The following HECTD4 variants were observed in gnomAD, a reference collection of about 807,000 sequenced individuals.
HECTD4 encodes the protein probable E3 ubiquitin-protein ligase HECTD4.
HECTD4 carries 114 observed loss-of-function variants against 471.5 expected under a neutral mutation model. The ratio of observed to expected loss-of-function variants is 0.24; its 90% CI spans 0.21 to 0.28. The LOEUF is 0.28. Ranked by LOEUF, HECTD4 falls within the 10% of genes least tolerant of loss-of-function variation. The probability of loss-of-function intolerance (pLI) is 1.00; values close to 1 mark genes in which losing one functional copy is unlikely to be tolerated. For missense variants in HECTD4, 3,866 were observed against 5,651.5 expected (o/e 0.68, Z 10.13); for synonymous variants, 2,012 against 2,256.0 (o/e 0.89, Z 3.07).
intron 7 of HECTD4, among the ~76,000 whole-genome samples, chr12:112,303,337 T>G (rs143868624): frequency 2.0e-5 from 3 of 152,168 alleles, no homozygotes; most frequent in South Asian, 2.1e-4. Context: ...GTGAGTCATC[T>G]CTCTTCCTCT....
chr12:112,210,387 G>C (rs915674878), intron 49 of HECTD4, 135 bp from the exon 50 acceptor site: 2 of 850,754 alleles, frequency 2.4e-6, no homozygotes, highest in Non-Finnish European at 3.7e-6. Context: ...GAAACCAGGT[G>C]GGGGCTGGAG....
chr12:112,372,104 CTT>C (rs538069859), intron 1 of HECTD4, among the ~76,000 whole-genome samples: 12 of 135,816 alleles, frequency 8.8e-5, no homozygotes, highest in Non-Finnish European at 8.0e-5. Flanking sequence ...ATAATCACAT[CTT>C]TTTTTTTTTT....
At chr12:112,369,656 C>T (rs2036631782) in intron 1 of HECTD4, among the ~76,000 whole-genome samples, 1 of 152,016 alleles carries the variant, frequency 6.6e-6, no homozygotes, top group South Asian at 2.1e-4. Context: ...ATTAAGCAAA[C>T]CTATGAGTTC....
In HECTD4 at chr12:112,185,245, C is replaced by T. The variant is rs926970678; in HGVS notation, c.9721G>A (p.Gly3241Arg). The change falls in exon 61 of 76, where the codon GGG becomes AGG. Residue 3241 changes from glycine to arginine, a missense_variant. Coordinates refer to ENST00000682272, the MANE Select transcript of HECTD4 (RefSeq NM_001388303.1). ...CTGCCCTGGTCACCGGCCGCCGCCC[C>T]CCCGGAGCCCCCGCAGGCGCCGCCT... The part of the protein sequence containing the change: ...VSGGACGGSG[G>R]AAAGDQGRFS... 2.1e-5 allele frequency: 33 copies of T among 1,550,074 alleles called. No homozygotes were observed. Among genetic ancestry groups the T allele is most frequent in the African/African-American group, 2.7e-5 (2 of 73,046 alleles).
At chr12:112,285,749 C>T (rs764750411) in intron 7 of HECTD4, among the ~76,000 whole-genome samples, 15 of 152,094 alleles carry the variant, frequency 9.9e-5, no homozygotes, top group Non-Finnish European at 1.8e-4. Context: ...CTTGCTACTA[C>T]GATCTAGTTC....
chr12:112,195,156 T>A, intron 55 of HECTD4, 90 bp from the exon 56 acceptor site: 2 of 1,172,352 alleles, frequency 1.7e-6, no homozygotes, highest in Non-Finnish European at 2.4e-6. Context: ...AGGAAAAGGA[T>A]CCTGCCTCAG....
At chr12:112,279,483 TCAAA>T in intron 8 of HECTD4, 97 bp from the exon 9 acceptor site, 2 of 1,017,354 alleles carry the variant, frequency 2.0e-6, no homozygotes, top group Non-Finnish European at 2.8e-6. Context: ...AGACCCAAAC[TCAAA>T]CAAAGATTTG....
intron 37 of HECTD4, among the ~76,000 whole-genome samples, chr12:112,233,419 C>T (rs1427565877): frequency 6.6e-6 from 1 of 151,602 alleles, no homozygotes. Context: ...GATGGGATCT[C>T]ACTATGTTGC....
chr12:112,179,433 T>C lies in HECTD4; in HGVS notation c.10988-36A>G. On this transcript the variant is annotated intron_variant, in intron 62 of 75. Transcript: ENST00000682272. The surrounding 1 kb of genome is among the most constrained non-coding windows in gnomAD (Gnocchi z 4.3). ...GAGAGGGGGCAAAACAATTCTGCCGTGAACATGCATCGGGACAAGCCCTGC... is the reference window on the plus strand; with the variant it reads ...GAGAGGGGGCAAAACAATTCTGCCGCGAACATGCATCGGGACAAGCCCTGC... 1 of 1,539,672 alleles carries C rather than the reference T, an allele frequency of 6.5e-7. No homozygotes were observed. The highest frequency in any genetic ancestry group is 8.9e-7 in the Non-Finnish European group (1 of 1,124,188).
At position 112,228,439 on chromosome 12, in the gene HECTD4, C is replaced by G. The variant is rs1265848402; in HGVS notation, c.6685-181G>C. 6.6e-6 allele frequency among the ~76,000 whole-genome samples: 1 copy of G among 152,138 alleles called. No individual in the cohort carries two copies. The highest frequency in any genetic ancestry group is 1.5e-5 in the Non-Finnish European group (1 of 68,020). ...AAAATACATTGTAGAAGAGCCCTAA[C>G]CAACAAAGAAATGAATTTGGTCATC... On this transcript the variant is annotated intron_variant, in intron 42 of 75. Coordinates refer to ENST00000682272, the MANE Select transcript of HECTD4 (RefSeq NM_001388303.1). This position sits in a 1 kb window ranked among gnomAD's most constrained non-coding sequence, Gnocchi z 4.9.
intron 38 of HECTD4, among the ~76,000 whole-genome samples, chr12:112,232,176 A>T (rs958343772): frequency 7.2e-5 from 11 of 152,048 alleles, no homozygotes; most frequent in African/African-American, 2.7e-4. Context: ...TGTTGCCCAG[A>T]CTAGAGTGCA....
intron 1 of HECTD4, among the ~76,000 whole-genome samples, chr12:112,347,364 C>T (rs1348113386): frequency 6.6e-6 from 1 of 152,012 alleles, no homozygotes; most frequent in Non-Finnish European, 1.5e-5. Flanking sequence ...CAAAAATTAG[C>T]CGGGTGTGAT....
At chr12:112,334,346 A>T (rs1037894475) in intron 1 of HECTD4, among the ~76,000 whole-genome samples, 1 of 151,666 alleles carries the variant, frequency 6.6e-6, no homozygotes, top group Non-Finnish European at 1.5e-5. Flanking sequence ...AAAAAAAACA[A>T]TCCCATCAAA....
At position 112,193,459 on chromosome 12, in the gene HECTD4, A is replaced by G; in HGVS notation, c.8955+10T>C. The G allele has an allele frequency of 6.2e-7, 1 of 1,600,716 alleles. No individual in the cohort carries two copies. Among genetic ancestry groups the G allele is most frequent in the Non-Finnish European group, 8.5e-7 (1 of 1,173,208 alleles). Reference sequence around the variant, plus strand: ...ACCACACTGCAGGAACATGAGCTTTAGACTTCTACCTGCAGGAAAGAGCAG... The same window carrying G: ...ACCACACTGCAGGAACATGAGCTTTGGACTTCTACCTGCAGGAAAGAGCAG... On this transcript the variant is annotated intron_variant, in intron 57 of 75. Coordinates refer to ENST00000682272, the MANE Select transcript of HECTD4 (RefSeq NM_001388303.1). This position sits in a 1 kb window ranked among gnomAD's most constrained non-coding sequence, Gnocchi z 5.2.
intron 1 of HECTD4, among the ~76,000 whole-genome samples, chr12:112,342,622 TAC>T (rs1377230930): frequency 6.6e-6 from 1 of 152,196 alleles, no homozygotes; most frequent in Non-Finnish European, 1.5e-5. Context: ...GCATCTGAGT[TAC>T]AGTTTTGCCT....
At chr12:112,176,785 T>C in intron 64 of HECTD4, 83 bp from the exon 65 acceptor site, 1 of 1,081,898 alleles carries the variant, frequency 9.2e-7, no homozygotes, top group Non-Finnish European at 1.4e-6. Context: ...TAGTCATTCA[T>C]TCCTGCTCCC....
chr12:112,175,773 C>T lies in HECTD4; in HGVS notation c.11557G>A (p.Ala3853Thr). 1 of 1,613,260 alleles carries T rather than the reference C, an allele frequency of 6.2e-7. No individual in the cohort carries two copies. The highest frequency in any genetic ancestry group is 1.1e-5 in the South Asian group (1 of 90,846). The change falls in exon 66 of 76, where the codon GCG becomes ACG. Residue 3853 changes from alanine to threonine, a missense_variant. Transcript: ENST00000682272. ...ARQDIRSVWR[A>T]ILSCGYDLHF... ...AGATCGTAACCACAGGACAAGATCG[C>T]CCTCCAGACGCTACGGATATCTTGC...
Position 112,193,600 on chromosome 12 carries a change from C to T in HECTD4, c.8824G>A (p.Ala2942Thr), listed in dbSNP as rs370763363. The change falls in exon 57 of 76, where the codon GCC (alanine) becomes ACC (threonine). Residue 2942 changes from alanine (A) to threonine (T), a missense_variant. Physicochemically the swap from Ala to Thr is moderately conservative, Grantham distance 58. Around this residue, in one of 16 missense-constraint regions of HECTD4, gnomAD observed 364 missense variants for 413.2 expected, o/e 0.88. Coordinates refer to ENST00000682272, the MANE Select transcript of HECTD4 (RefSeq NM_001388303.1). This position sits in a 1 kb window ranked among gnomAD's most constrained non-coding sequence, Gnocchi z 5.2. ...TTGCCCTGGTAAAAGAGGTCCGTGG[C>T]GGAGCAGTTCTGGGAATGGATGCAA... Reference protein sequence around the residue: ...QHCIHSQNCSATDLFYQGNSQ... With the variant: ...QHCIHSQNCSTTDLFYQGNSQ... The T allele has an allele frequency of 1.8e-5, 29 of 1,612,982 alleles. No homozygotes were observed. The African/African-American group carries it at 2.0e-4, about 11-fold the overall frequency.
In HECTD4 at chr12:112,184,984, G is replaced by A. The variant is rs759813678; in HGVS notation, c.9982C>T (p.Arg3328Cys). The change falls in exon 61 of 76, where the codon CGC (arginine) becomes TGC (cysteine). Residue 3328 changes from arginine (R) to cysteine (C), a missense_variant. This residue lies in a region of HECTD4 where 57 missense variants were observed against 49.8 expected (regional missense o/e 1.14). Transcript: ENST00000682272. This position sits in a 1 kb window ranked among gnomAD's most constrained non-coding sequence, Gnocchi z 9.1. ...GAGTCCACGGTGCGGGAAGACTGGC[G>A]CTTGCCCGACGAGGAGGCCTTTTCC... is the stretch of plus-strand genomic sequence containing the variant. ...KREKASSSGKRQSSRTVDSDP... is the reference protein window; with the variant it reads ...KREKASSSGKCQSSRTVDSDP... 2.5e-6 allele frequency: 4 copies of A among 1,612,748 alleles called. No homozygotes were observed. The South Asian group carries it at 4.4e-5, about 18-fold the overall frequency.
Sources: gnomAD v4.1 joint callset for allele counts (sites outside exome capture counted in the v4.1 genomes callset) on GRCh38, gnomAD v4.1.1 for gene constraint, gnomAD v4.1.1 regional missense constraint, Gnocchi (gnomAD v3.1) non-coding constraint, MANE v1.5 for transcripts, NCBI Gene and HGNC (gene_info 2026-07-23, HGNC 2026-07-21) for gene names.